The following PRB2 variants were observed in gnomAD, a reference collection of about 807,000 sequenced individuals.
The protein encoded by PRB2 is basic salivary proline-rich protein 2.
PRB2 carries 12 observed loss-of-function variants against 8.3 expected under a neutral mutation model. That is an observed-to-expected ratio of 1.45 (90% CI 0.93 to 2.35). The LOEUF (loss-of-function observed/expected upper bound fraction) is 2.35. Among genes scored for constraint, PRB2 ranks in the 30% most tolerant of loss-of-function variants. PRB2 has a pLI of 0.00. For missense variants in PRB2, 470 were observed against 507.0 expected, an observed-to-expected ratio of 0.93 and a Z score of 0.70; for synonymous variants, 146 against 180.0, an observed-to-expected ratio of 0.81 and a Z score of 1.51.
At position 11,395,083 on chromosome 12, in the gene PRB2, G is replaced by A. The variant is rs146502611; in HGVS notation, c.64+383C>T. ...ATCTCTGATACTGTGTGTGTCTATCGCCGTCATCGATGCTGATGCACTGTA... is the reference window on the plus strand; with the variant it reads ...ATCTCTGATACTGTGTGTGTCTATCACCGTCATCGATGCTGATGCACTGTA... On this transcript the variant is annotated intron_variant, in intron 1 of 3. Coordinates refer to ENST00000389362, the MANE Select transcript of PRB2 (RefSeq NM_006248.4). Among the ~76,000 whole-genome samples, 1,333 of 152,102 alleles carry A rather than the reference G, an allele frequency of 8.8e-3. 18 individuals are homozygous for A. Among genetic ancestry groups the A allele is most frequent in the African/African-American group, 0.029 (1,194 of 41,472 alleles).
chr12:11,394,097 A>G, intron 2 of PRB2, 120 bp from the exon 3 acceptor site: 5 of 1,332,858 alleles, frequency 3.8e-6, no homozygotes, highest in Non-Finnish European at 5.3e-6. Flanking sequence ...CACAAAAATG[A>G]GACCAAGACA....
At chr12:11,394,122 T>A in intron 2 of PRB2, 145 bp from the exon 3 acceptor site, 1 of 1,229,302 alleles carries the variant, frequency 8.1e-7, no homozygotes, top group Non-Finnish European at 1.2e-6. Flanking sequence ...TTTCTTTGCA[T>A]TTCAGTGAAG....
chr12:11,395,406 C>T (rs1296980385), intron 1 of PRB2, 60 bp downstream of exon 1: 108 of 1,603,758 alleles, frequency 6.7e-5, no homozygotes, highest in Non-Finnish European at 8.9e-5. Flanking sequence ...CCCGTAATTA[C>T]CATTATCACC....
chr12:11,391,583 G>A lies in PRB2; in HGVS notation c.*99C>T. 5.6e-6 allele frequency: 2 copies of A among 359,286 alleles called. No homozygotes were observed. The highest frequency in any genetic ancestry group is 1.7e-5 in the South Asian group (1 of 58,254). The allele number at this position is 359,286 out of a possible 1,614,324, so 22.3% of individuals were successfully genotyped here. On this transcript the variant is annotated 3_prime_UTR_variant, in exon 4 of 4. Coordinates refer to ENST00000389362, the MANE Select transcript of PRB2 (RefSeq NM_006248.4). The stretch of plus-strand genomic sequence containing the variant: ...ATTGGTATACAGAAGTTAGAGCTAT[G>A]ATGACCTTTTTCCAATGTCATGGCA...
chr12:11,394,439 C>A lies in PRB2; in HGVS notation c.100+56G>T, dbSNP rs1244308632. The A allele has an allele frequency of 7.6e-6, 12 of 1,572,480 alleles. No homozygotes were observed. In the South Asian group the frequency reaches 1.2e-4, roughly 16 times the overall value. On this transcript the variant is annotated intron_variant, in intron 2 of 3. Transcript: ENST00000389362. ...GATAAGAAGACACTGGAGAACTGAT[C>A]CATTCATAAGCAGAAAAAGACAGTC...
chr12:11,393,842 T>G lies in PRB2; in HGVS notation c.236A>C (p.Gln79Pro). The change falls in exon 3 of 4, where the codon CAA becomes CCA. Residue 79 changes from glutamine to proline, a missense_variant. Transcript: ENST00000389362. ...GTTGCCTCCTTGTGGGGGTGGTCCT[T>G]GTGGCTTTCCTGGAGGAGGTGGGGG... ...QGPPPPPGKPQGPPPQGGNKP... is the reference protein window; with the variant it reads ...QGPPPPPGKPPGPPPQGGNKP... 7.3e-7 allele frequency: 1 copy of G among 1,377,564 alleles called. No individual in the cohort carries two copies. The highest frequency in any genetic ancestry group is 9.6e-7 in the Non-Finnish European group (1 of 1,039,892). 85.3% of individuals were successfully genotyped at this position (1,377,564 alleles called of 1,614,324 possible).
rs1864336574 is a variant in PRB2, at chr12:11,392,923, T to C, written c.1155A>G (p.Gly385=). The C allele has an allele frequency of 6.2e-7, 1 of 1,607,746 alleles. No homozygotes were observed. Among genetic ancestry groups the C allele is most frequent in the Admixed American group, 1.7e-5 (1 of 59,558 alleles). The stretch of plus-strand genomic sequence containing the variant: ...GTGCCTGAGGCTGCTGGGGATTGCC[T>C]CCTGCTGGAGGTGGGGGACCTTGAG... ...NNPQGPPPPA[G]GNPQQPQAPP... is the part of the protein sequence containing the mutation. The change falls in exon 3 of 4, where the codon GGA becomes GGG. Residue 385 remains glycine (G), a synonymous_variant. Transcript: ENST00000389362.
chr12:11,394,401 A>T, intron 2 of PRB2, 94 bp downstream of exon 2: 2 of 1,457,324 alleles, frequency 1.4e-6, no homozygotes, highest in Non-Finnish European at 1.9e-6. Context: ...TCAATTCCCG[A>T]AAGGAAAGTT....
Position 11,392,947 on chromosome 12 carries a change from A to G in PRB2, c.1131T>C (p.Pro377=), listed in dbSNP as rs770653777. The G allele has an allele frequency of 8.1e-6, 13 of 1,609,790 alleles. No homozygotes were observed. The Admixed American group carries it at 1.0e-4, about 12-fold the overall frequency. The change falls in exon 3 of 4, where the codon CCT becomes CCC. Residue 377 remains proline, a synonymous_variant. Transcript: ENST00000389362. ...CTCCTGCTGGAGGTGGGGGACCTTG[A>G]GGATTGTTGCCTTCTTGTTGGGGTG... ...QGPPQQEGNN[P]QGPPPPAGGN...
rs557172638 is a variant in PRB2, at chr12:11,393,587, G to A, written c.491C>T (p.Pro164Leu). The A allele has an allele frequency of 2.3e-5, 37 of 1,592,136 alleles. No homozygotes were observed. In the East Asian group the frequency reaches 4.5e-4, roughly 20 times the overall value. ...ACTTCGGGACTTGTTGTCTCCTTGT[G>A]GGGGTGGTCCTTGTGGCTTTCCTGG... ...PPPGKPQGPPPQGDNKSRSSR... is the reference protein window; with the variant it reads ...PPPGKPQGPPLQGDNKSRSSR... Residue 164 changes from proline (P) to leucine (L), a missense_variant, in exon 3 of 4, where the codon CCA becomes CTA. Pro to Leu is a moderately conservative substitution (Grantham distance 98). Coordinates refer to ENST00000389362, the MANE Select transcript of PRB2 (RefSeq NM_006248.4).
At chr12:11,394,014 A>C (rs1444986608) in intron 2 of PRB2, 37 bp from the exon 3 acceptor site, 1 of 1,613,014 alleles carries the variant, frequency 6.2e-7, no homozygotes, top group African/African-American at 1.3e-5. Flanking sequence ...ACAGAGTAAA[A>C]GCCCATACAA....
chr12:11,394,551 G>A (rs755522364), intron 1 of PRB2, 21 bp from the exon 2 acceptor site: 2 of 1,612,538 alleles, frequency 1.2e-6, no homozygotes, highest in Non-Finnish European at 1.7e-6. Context: ...AGCACAGGAT[G>A]ATGGGAACAG....
chr12:11,394,124 TC>T, intron 2 of PRB2, 147 bp from the exon 3 acceptor site: 4 of 1,212,876 alleles, frequency 3.3e-6, no homozygotes, highest in Non-Finnish European at 3.5e-6. Context: ...TCTTTGCATT[TC>T]AGTGAAGACA....
rs563044570 is a variant in PRB2, at chr12:11,394,625, C to T, written c.65-95G>A. 97 of 1,437,218 alleles carry T rather than the reference C, an allele frequency of 6.7e-5. 1 individual carries two copies. The South Asian group carries it at 1.0e-3, about 15-fold the overall frequency. 89.0% of individuals were successfully genotyped at this position (1,437,218 alleles called of 1,614,324 possible). A position where few individuals can be genotyped will look rare whatever the true frequency, so the allele number is the denominator to read the frequency against. ...AGGGAAAACAGACTTCTCACCACAC[C>T]CCATGCATCCCCTAAGTTAACTCAT... On this transcript the variant is annotated intron_variant, in intron 1 of 3. Coordinates refer to ENST00000389362, the MANE Select transcript of PRB2 (RefSeq NM_006248.4).
intron 1 of PRB2, among the ~76,000 whole-genome samples, chr12:11,394,733 C>T (rs994818233): frequency 1.8e-4 from 27 of 152,142 alleles, no homozygotes; most frequent in Non-Finnish European, 4.4e-5. Flanking sequence ...CAGCCATGAA[C>T]TCAACATAGA....
At chr12:11,392,693 A>G in intron 3 of PRB2, 101 bp downstream of exon 3, 1 of 604,192 alleles carries the variant, frequency 1.7e-6, no homozygotes, top group Non-Finnish European at 2.5e-6. Context: ...GGGATCTGGG[A>G]CTATACAATG....
Position 11,393,186 on chromosome 12 carries a change from G to A in PRB2, c.892C>T (p.Arg298Ter), listed in dbSNP as rs370037117. Residue 298 changes from arginine to a stop codon, truncating the protein, a stop_gained, in exon 3 of 4, where the codon CGA becomes TGA. Coordinates refer to ENST00000389362, the MANE Select transcript of PRB2 (RefSeq NM_006248.4). LOFTEE classifies it low-confidence loss of function (END_TRUNC). ...PQGGSKSRSS[R>*]SPPGKPQGPP... ...CCTTGTGGCTTTCCTGGAGGAGATC[G>A]AGAACTTCGGGACTTGCTGCCTCCT... The A allele has an allele frequency of 1.5e-5, 24 of 1,596,008 alleles. 1 individual carries two copies. The highest frequency in any genetic ancestry group is 8.9e-5 in the African/African-American group (6 of 67,084).
chr12:11,394,090 A>G, intron 2 of PRB2, 113 bp from the exon 3 acceptor site: 1 of 1,385,462 alleles, frequency 7.2e-7, no homozygotes, highest in Non-Finnish European at 1.0e-6. Context: ...GGAAACACAC[A>G]AAAATGAGAC....
At chr12:11,394,332 G>T (rs1350555129) in intron 2 of PRB2, among the ~76,000 whole-genome samples, 163 bp downstream of exon 2, 1 of 152,140 alleles carries the variant, frequency 6.6e-6, no homozygotes, top group Non-Finnish European at 1.5e-5. Context: ...GCCTGCTCAT[G>T]ATGCCCAGAA....
Sources: gnomAD v4.1 joint callset for allele counts (sites outside exome capture counted in the v4.1 genomes callset) on GRCh38, gnomAD v4.1.1 for gene constraint, MANE v1.5 for transcripts, NCBI Gene and HGNC (gene_info 2026-07-23, HGNC 2026-07-21) for gene names.